Variants in PTPN3 observed in about 807,000 individuals in gnomAD.
PTPN3 encodes protein tyrosine phosphatase non-receptor type 3.
A neutral mutation model predicts 132.7 loss-of-function variants in PTPN3; 96 were observed. The observed-to-expected ratio is 0.72, with a 90% confidence interval of 0.61 to 0.86. The LOEUF is 0.86. Among genes scored for constraint, PTPN3 ranks in the 40% least tolerant of loss-of-function variants. The pLI, the probability that PTPN3 is intolerant of heterozygous loss-of-function variation, is 0.00. For missense variants in PTPN3, 1,125 were observed against 1,159.6 expected (o/e 0.97, Z 0.43); for synonymous variants, 398 against 429.0 (o/e 0.93, Z 0.89).
the PTPN3 span, among the ~76,000 whole-genome samples, chr9:109,506,166 C>G: frequency 2.6e-5 from 4 of 152,182 alleles, no homozygotes; most frequent in Admixed American, 6.5e-5. Flanking sequence ...CTCTCAGGCT[C>G]TCTGCTCTTG....
intron 18 of PTPN3, among the ~76,000 whole-genome samples, chr9:109,406,239 G>A (rs114730477): frequency 0.014 from 2,081 of 152,272 alleles, 31 homozygotes; most frequent in African/African-American, 0.047. Flanking sequence ...CTGCAGGGGC[G>A]CTGTCTCCCC....
At chr9:109,518,649 G>T in the PTPN3 span, among the ~76,000 whole-genome samples, 1 of 152,046 alleles carries the variant, frequency 6.6e-6, no homozygotes, top group Non-Finnish European at 1.5e-5. Context: ...GAGAAAAGAG[G>T]AACACTTGTT....
intron 1 of PTPN3, among the ~76,000 whole-genome samples, chr9:109,466,290 G>A (rs554851552): frequency 6.6e-5 from 10 of 152,198 alleles, no homozygotes; most frequent in East Asian, 3.9e-4. Context: ...CAACAATACC[G>A]TATAGCAATA....
chr9:109,513,688 A>G, the PTPN3 span, among the ~76,000 whole-genome samples: 1 of 152,156 alleles, frequency 6.6e-6, no homozygotes, highest in African/African-American at 2.4e-5. Flanking sequence ...ACTCCTGGAC[A>G]TAGTCATGTG....
chr9:109,448,716 G>C (rs1845023691), intron 6 of PTPN3, 95 bp downstream of exon 6: 1 of 1,243,306 alleles, frequency 8.0e-7, no homozygotes, highest in Non-Finnish European at 1.2e-6. Flanking sequence ...ACTCTGTTTA[G>C]ATTTGATATT....
intron 19 of PTPN3, among the ~76,000 whole-genome samples, chr9:109,394,279 A>G (rs898696605): frequency 2.6e-5 from 4 of 152,222 alleles, no homozygotes; most frequent in Non-Finnish European, 5.9e-5. Flanking sequence ...GAAAGTGTAA[A>G]TAAAATCAAC....
chr9:109,461,097 G>A (rs568969251), intron 2 of PTPN3, among the ~76,000 whole-genome samples: 2 of 152,328 alleles, frequency 1.3e-5, no homozygotes, highest in African/African-American at 4.8e-5. Flanking sequence ...TGGAGCTTGT[G>A]TAATCACAAA....
At chr9:109,383,314 C>G in intron 23 of PTPN3, 109 bp downstream of exon 23, 1 of 1,583,638 alleles carries the variant, frequency 6.3e-7, no homozygotes, top group Non-Finnish European at 8.6e-7. Flanking sequence ...TACTGACACG[C>G]TTGCCAGGTG....
chr9:109,404,259 C>T (rs141366305), intron 19 of PTPN3, among the ~76,000 whole-genome samples, 189 bp downstream of exon 19: 71 of 152,308 alleles, frequency 4.7e-4, no homozygotes, highest in African/African-American at 1.6e-3. Context: ...CTGTTATCCA[C>T]GACAAGCACA....
chr9:109,457,261 G>A, intron 3 of PTPN3, 31 bp downstream of exon 3: 1 of 1,612,484 alleles, frequency 6.2e-7, no homozygotes, highest in Non-Finnish European at 8.5e-7. Flanking sequence ...CCGTGAAGGA[G>A]TTCAGCACAT....
chr9:109,382,214 T>C lies in PTPN3; in HGVS notation c.2528+88A>G, dbSNP rs1395594178. ...TAAGGGCACACGACTTTGTGGGATG[T>C]AGGGTGGGTCTGGCGCCTGCCAATT... On this transcript the variant is annotated intron_variant, in intron 24 of 25. Coordinates refer to ENST00000374541, the MANE Select transcript of PTPN3 (RefSeq NM_002829.4). The C allele has an allele frequency of 2.8e-6, 4 of 1,454,136 alleles. No homozygotes were observed. The African/African-American group carries it at 4.2e-5, about 15-fold the overall frequency. 90.1% of individuals were successfully genotyped at this position (1,454,136 alleles called of 1,614,324 possible). A position where few individuals can be genotyped will look rare whatever the true frequency, so the allele number is the denominator to read the frequency against.
At chr9:109,505,234 T>C in the PTPN3 span, among the ~76,000 whole-genome samples, 1 of 152,226 alleles carries the variant, frequency 6.6e-6, no homozygotes, top group Non-Finnish European at 1.5e-5. Flanking sequence ...ACCTTCTGAA[T>C]CTCTGGGTGT....
At chr9:109,409,031 C>G (rs1841858838) in intron 16 of PTPN3, among the ~76,000 whole-genome samples, 1 of 151,764 alleles carries the variant, frequency 6.6e-6, no homozygotes, top group Non-Finnish European at 1.5e-5. Context: ...CCTGCCCTCA[C>G]TTTGTCCTAG....
chr9:109,521,038 T>C, the PTPN3 span, among the ~76,000 whole-genome samples: 3 of 152,086 alleles, frequency 2.0e-5, no homozygotes, highest in Admixed American at 1.3e-4. Flanking sequence ...TAGGAGAGTG[T>C]GTGACATGTA....
At chr9:109,429,919 A>G (rs1243843241) in intron 10 of PTPN3, among the ~76,000 whole-genome samples, 1 of 152,242 alleles carries the variant, frequency 6.6e-6, no homozygotes, top group Admixed American at 6.5e-5. Flanking sequence ...TCTAGAATGG[A>G]GAGGCTGTGT....
chr9:109,421,515 G>C (rs2131842379), intron 13 of PTPN3, among the ~76,000 whole-genome samples: 1 of 152,300 alleles, frequency 6.6e-6, no homozygotes, highest in African/African-American at 2.4e-5. Flanking sequence ...CCTATAAATA[G>C]CCACAGGAGC....
intron 1 of PTPN3, among the ~76,000 whole-genome samples, chr9:109,468,997 G>A (rs987109835): frequency 6.6e-6 from 1 of 152,222 alleles, no homozygotes; most frequent in Non-Finnish European, 1.5e-5. Flanking sequence ...AGATAGTTGT[G>A]ATAGATATGT....
At chr9:109,521,889 A>T in the PTPN3 span, among the ~76,000 whole-genome samples, 2 of 152,212 alleles carry the variant, frequency 1.3e-5, no homozygotes, top group Non-Finnish European at 2.9e-5. Context: ...AAAATCATAG[A>T]AGGGACTCAG....
chr9:109,524,919 G>T, the PTPN3 span, among the ~76,000 whole-genome samples: 3 of 152,140 alleles, frequency 2.0e-5, no homozygotes, highest in Non-Finnish European at 2.9e-5. Context: ...TGTATTTTTA[G>T]TAGAGACGGG....
Sources: gnomAD v4.1 joint callset for allele counts (sites outside exome capture counted in the v4.1 genomes callset) on GRCh38, gnomAD v4.1.1 for gene constraint, MANE v1.5 for transcripts, NCBI Gene and HGNC (gene_info 2026-07-23, HGNC 2026-07-21) for gene names.